Variants in VRK2 observed in about 807,000 individuals in gnomAD.
VRK2 encodes VRK serine/threonine kinase 2.
In VRK2, 60 loss-of-function variants were observed where a neutral mutation model predicts 57.6. The ratio of observed to expected loss-of-function variants is 1.04; its 90% CI spans 0.85 to 1.29. The LOEUF (loss-of-function observed/expected upper bound fraction) is 1.29. Ranked by LOEUF, VRK2 falls within the 50% of genes most tolerant of loss-of-function variation. The pLI is 0.00. For missense variants in VRK2, 705 were observed against 588.1 expected, an observed-to-expected ratio of 1.20 and a Z score of -2.06; for synonymous variants, 231 against 199.2, an observed-to-expected ratio of 1.16 and a Z score of -1.35.
intron 2 of VRK2, among the ~76,000 whole-genome samples, chr2:58,081,903 G>A (rs955360174): frequency 1.5e-4 from 20 of 131,358 alleles, no homozygotes; most frequent in Admixed American, 7.0e-4. Context: ...TGTGTGTTTC[G>A]TCATTTAATT....
chr2:57,950,329 A>G (rs1671387018), intron 1 of VRK2, among the ~76,000 whole-genome samples: 1 of 152,248 alleles, frequency 6.6e-6, no homozygotes, highest in African/African-American at 2.4e-5. Flanking sequence ...GGACTAACAC[A>G]GTTGGTGATT....
At chr2:57,995,828 G>C (rs1314295225) in intron 1 of VRK2, among the ~76,000 whole-genome samples, 2 of 152,136 alleles carry the variant, frequency 1.3e-5, no homozygotes, top group Non-Finnish European at 2.9e-5. Flanking sequence ...ACTACTGCCT[G>C]GATTTATGCT....
At chr2:57,968,997 C>T (rs576400068) in intron 1 of VRK2, among the ~76,000 whole-genome samples, 1 of 152,198 alleles carries the variant, frequency 6.6e-6, no homozygotes, top group South Asian at 2.1e-4. Context: ...TTACCTCAGG[C>T]AAGCCTCATT....
chr2:58,148,553 C>T (rs6714952), intron 12 of VRK2, among the ~76,000 whole-genome samples: 26,917 of 151,144 alleles, frequency 0.18, 3,518 homozygotes, highest in African/African-American at 0.37. Context: ...GTTTTTTTGT[C>T]GTTTGTTTGT....
intron 2 of VRK2, chr2:58,058,587 G>T: frequency 7.3e-6 from 2 of 273,342 alleles, no homozygotes; most frequent in Middle Eastern, 8.6e-4. Context: ...AAAAAAGAAT[G>T]AAAGAAGAGT....
chr2:58,153,256 A>G (rs1160056866), intron 12 of VRK2, among the ~76,000 whole-genome samples: 1 of 152,036 alleles, frequency 6.6e-6, no homozygotes, highest in Non-Finnish European at 1.5e-5. Flanking sequence ...TTTATTGCTC[A>G]GTAGTAATCT....
At chr2:58,127,860 C>CT (rs1358900545) in intron 8 of VRK2, among the ~76,000 whole-genome samples, 1 of 152,118 alleles carries the variant, frequency 6.6e-6, no homozygotes, top group Non-Finnish European at 1.5e-5. Context: ...ACAGAAAACA[C>CT]TTTAGGCAAA....
Position 58,033,921 on chromosome 2 carries a change from C to T in VRK2, c.-6+368C>T, listed in dbSNP as rs547311471. Among the ~76,000 whole-genome samples, 5 of 152,066 alleles carry T rather than the reference C, an allele frequency of 3.3e-5. No homozygotes were observed. The East Asian group carries it at 9.7e-4, about 29-fold the overall frequency. On this transcript the variant is annotated intron_variant, in intron 3 of 15. Transcript: ENST00000417641. ...TCTGTTAATCTGATACAATTTCCTA[C>T]TAGAATATATCTTGTCTAGATCAAC...
intron 1 of VRK2, among the ~76,000 whole-genome samples, chr2:57,938,694 C>A (rs1670996922): frequency 6.6e-6 from 1 of 151,986 alleles, no homozygotes; most frequent in African/African-American, 2.4e-5. Flanking sequence ...AAGCCTGTTT[C>A]TCTCATAAAC....
chr2:58,122,509 C>T (rs1011185525), intron 7 of VRK2, among the ~76,000 whole-genome samples: 3 of 152,052 alleles, frequency 2.0e-5, no homozygotes, highest in African/African-American at 7.2e-5. Flanking sequence ...AATATATTTA[C>T]TGTTTATTAA....
Position 58,082,075 on chromosome 2 carries a change from A to AGACCC in VRK2, c.137-2013_137-2009dup, listed in dbSNP as rs563670173. ...TTTCTAGTCTATTGATTTTAGACTT[A>AGACCC]GACCCTCCAATATAATCTGACTTGG... On this transcript the variant is annotated intron_variant, in intron 2 of 12. Coordinates refer to ENST00000340157, the MANE Select transcript of VRK2 (RefSeq NM_006296.7). 2.8e-3 allele frequency among the ~76,000 whole-genome samples: 422 copies of AGACCC among 151,976 alleles called. 4 individuals carry two copies. The highest frequency in any genetic ancestry group is 0.016 in the South Asian group (78 of 4,822).
chr2:57,951,647 C>T (rs1671429433), intron 1 of VRK2, among the ~76,000 whole-genome samples: 1 of 152,214 alleles, frequency 6.6e-6, no homozygotes, highest in Non-Finnish European at 1.5e-5. Flanking sequence ...TCAGCACTAT[C>T]ACTGTCATCA....
intron 10 of VRK2, among the ~76,000 whole-genome samples, chr2:58,136,877 T>TCATATATATGTGTATA (rs70954876): frequency 8.8e-6 from 1 of 114,204 alleles, no homozygotes; most frequent in Non-Finnish European, 1.7e-5. Context: ...ATATCATATA[T>TCATATATATGTGTATA]TATATCATAT....
chr2:58,013,858 CAAAAAAAAAAA>C (rs60604486), intron 1 of VRK2, among the ~76,000 whole-genome samples: 2 of 62,790 alleles, frequency 3.2e-5, no homozygotes, highest in South Asian at 7.4e-4. Flanking sequence ...GACTCCGTCT[CAAAAAAAAAAA>C]AAAAAAAAAA....
chr2:58,090,095 A>T (rs570390133), intron 7 of VRK2, among the ~76,000 whole-genome samples: 1 of 150,630 alleles, frequency 6.6e-6, no homozygotes, highest in Non-Finnish European at 1.5e-5. Context: ...TGTATAACCA[A>T]TTAAGTTTTA....
chr2:58,072,229 T>C (rs1055550702), intron 2 of VRK2, among the ~76,000 whole-genome samples: 17 of 152,010 alleles, frequency 1.1e-4, no homozygotes, highest in Admixed American at 1.0e-3. Flanking sequence ...AAGATGGTTT[T>C]ATTTCTTCCT....
At chr2:57,961,287 G>A (rs956213127) in intron 1 of VRK2, among the ~76,000 whole-genome samples, 1 of 152,188 alleles carries the variant, frequency 6.6e-6, no homozygotes, top group Non-Finnish European at 1.5e-5. Flanking sequence ...GTCCAGGGAA[G>A]GAGGAAGAGC....
intron 3 of VRK2, among the ~76,000 whole-genome samples, chr2:58,035,374 C>A (rs963653903): frequency 6.6e-6 from 1 of 151,838 alleles, no homozygotes; most frequent in Admixed American, 6.6e-5. Context: ...CTCTGTTTCG[C>A]CTTTTATCTA....
intron 1 of VRK2, among the ~76,000 whole-genome samples, chr2:57,945,742 A>G (rs765944639): frequency 6.6e-5 from 10 of 152,188 alleles, no homozygotes; most frequent in Admixed American, 3.3e-4. Context: ...AGCTCTTGGC[A>G]ATGGGCAGGA....
Sources: allele counts gnomAD v4.1 joint callset (sites outside exome capture counted in the v4.1 genomes callset), GRCh38; gene constraint gnomAD v4.1.1; transcripts MANE v1.5; gene names NCBI Gene and HGNC (gene_info 2026-07-23, HGNC 2026-07-21).